The following RAD51B variants were observed in gnomAD, a reference collection of about 807,000 sequenced individuals.
RAD51B encodes the protein DNA repair protein RAD51 homolog 2.
RAD51B carries 38 observed loss-of-function variants against 42.2 expected under a neutral mutation model. That is an observed-to-expected ratio of 0.90 (90% CI 0.70 to 1.18). The LOEUF (loss-of-function observed/expected upper bound fraction) is 1.18, where lower values mean the gene tolerates loss of function less well. RAD51B is among the 50% of genes most tolerant of loss of function. RAD51B has a pLI of 0.00. For missense variants in RAD51B, 373 were observed against 400.7 expected (o/e 0.93, Z 0.59); for synonymous variants, 154 against 145.2 (o/e 1.06, Z -0.43).
At chr14:68,245,779 A>G (rs1007196287) in intron 7 of RAD51B, among the ~76,000 whole-genome samples, 2 of 152,220 alleles carry the variant, frequency 1.3e-5, no homozygotes, top group Non-Finnish European at 2.9e-5. Context: ...TTGGTATTAA[A>G]GTCGGAGCAA....
chr14:68,117,866 A>C (rs1387171166), intron 7 of RAD51B, among the ~76,000 whole-genome samples: 1 of 152,232 alleles, frequency 6.6e-6, no homozygotes, highest in Admixed American at 6.5e-5. Context: ...ATTGCAAGAA[A>C]TATTTTTAGA....
At chr14:68,486,368 G>GC (rs1209052365) in intron 10 of RAD51B, among the ~76,000 whole-genome samples, 6 of 152,256 alleles carry the variant, frequency 3.9e-5, no homozygotes, top group African/African-American at 1.4e-4. Flanking sequence ...TAAGTCTATT[G>GC]CCACTGGCTG....
At chr14:68,659,781 G>A (rs936872662) in intron 11 of RAD51B, among the ~76,000 whole-genome samples, 3 of 152,234 alleles carry the variant, frequency 2.0e-5, no homozygotes, top group African/African-American at 7.2e-5. Context: ...GCCCTGCCAG[G>A]GAACACACCT....
intron 7 of RAD51B, among the ~76,000 whole-genome samples, chr14:67,988,401 A>G (rs1257873467): frequency 2.0e-5 from 3 of 152,112 alleles, no homozygotes; most frequent in South Asian, 2.1e-4. Flanking sequence ...GGAAGTTGCA[A>G]TGAGCCAAGA....
intron 7 of RAD51B, among the ~76,000 whole-genome samples, chr14:68,285,020 C>T (rs370471481): frequency 2.6e-5 from 4 of 152,284 alleles, no homozygotes; most frequent in South Asian, 4.1e-4. Flanking sequence ...TATTCTCTTT[C>T]TTCCTCTTGT....
intron 7 of RAD51B, among the ~76,000 whole-genome samples, chr14:68,164,131 G>A (rs370120227): frequency 1.8e-4 from 27 of 152,132 alleles, no homozygotes; most frequent in Non-Finnish European, 2.6e-4. Context: ...GACTAAACAA[G>A]TGACTTATTT....
At chr14:68,339,287 G>A (rs1193454820) in intron 8 of RAD51B, 23 of 910,062 alleles carry the variant, frequency 2.5e-5, no homozygotes, top group East Asian at 1.2e-4. Flanking sequence ...GGGTGAACTG[G>A]TTAATGGCAG....
At chr14:67,939,124 G>T (rs937601398) in intron 7 of RAD51B, among the ~76,000 whole-genome samples, 4 of 152,122 alleles carry the variant, frequency 2.6e-5, no homozygotes, top group Non-Finnish European at 4.4e-5. Flanking sequence ...TTCATATCTT[G>T]AGGTACTTAT....
intron 7 of RAD51B, among the ~76,000 whole-genome samples, chr14:68,050,744 T>C (rs1206850875): frequency 2.0e-5 from 3 of 152,202 alleles, no homozygotes; most frequent in East Asian, 1.9e-4. Flanking sequence ...AACGCATTTA[T>C]GTTAACAAGC....
At chr14:68,589,853 C>T (rs964154018) in intron 10 of RAD51B, among the ~76,000 whole-genome samples, 1 of 152,258 alleles carries the variant, frequency 6.6e-6, no homozygotes, top group Middle Eastern at 3.4e-3. Flanking sequence ...GCTTTTTCCC[C>T]CCCATTTTCA....
intron 8 of RAD51B, among the ~76,000 whole-genome samples, chr14:68,367,016 G>A (rs927218767): frequency 1.3e-5 from 2 of 152,210 alleles, no homozygotes; most frequent in Non-Finnish European, 2.9e-5. Flanking sequence ...TGAGCTTCAG[G>A]CAGCTTCCAA....
rs1309610117 is a variant in RAD51B, at chr14:68,575,367, G to T, written c.1037-19118G>T. Among the ~76,000 whole-genome samples the T allele has an allele frequency of 3.3e-5, 5 of 152,134 alleles. 1 individual carries two copies. Among genetic ancestry groups the T allele is most frequent in the Admixed American group, 3.3e-4 (5 of 15,268 alleles). ...GGCTTACATGACAAGCTCCCTCCCT[G>T]CTCCCTGCTCCCCCTGCCCCTCATT... On this transcript the variant is annotated intron_variant, in intron 10 of 10. Coordinates refer to the RAD51B transcript ENST00000487270.
chr14:68,574,671 C>A (rs1889880618), intron 10 of RAD51B, among the ~76,000 whole-genome samples: 1 of 152,242 alleles, frequency 6.6e-6, no homozygotes, highest in Non-Finnish European at 1.5e-5. Flanking sequence ...AAATGTATTA[C>A]TGCAACAGCC....
At chr14:68,306,937 C>G (rs1294566714) in intron 8 of RAD51B, among the ~76,000 whole-genome samples, 2 of 152,138 alleles carry the variant, frequency 1.3e-5, no homozygotes, top group Non-Finnish European at 2.9e-5. Context: ...GTTGCTCAGA[C>G]TTAGTGCAGA....
chr14:68,380,187 C>T (rs35899926), intron 8 of RAD51B, among the ~76,000 whole-genome samples: 2 of 152,174 alleles, frequency 1.3e-5, no homozygotes, highest in African/African-American at 2.4e-5. Flanking sequence ...CTGGGAACCA[C>T]GTAAAATTGT....
At chr14:68,123,221 T>C (rs1393937799) in intron 7 of RAD51B, among the ~76,000 whole-genome samples, 1 of 147,630 alleles carries the variant, frequency 6.8e-6, no homozygotes, top group East Asian at 2.0e-4. Flanking sequence ...GAGACAGAGC[T>C]GTCTCCTCCA....
chr14:68,020,792 T>G (rs1347110665), intron 7 of RAD51B, among the ~76,000 whole-genome samples: 1 of 152,212 alleles, frequency 6.6e-6, no homozygotes, highest in Non-Finnish European at 1.5e-5. Flanking sequence ...ACATTGATTG[T>G]TTACAAAAAG....
At chr14:68,470,627 C>G (rs2086099820) in intron 10 of RAD51B, 1 of 490,728 alleles carries the variant, frequency 2.0e-6, no homozygotes, top group African/African-American at 1.9e-5. Context: ...CATTTGAAAA[C>G]AGAGAGAGAG....
chr14:68,621,597 C>T (rs1377538210), intron 10 of RAD51B, among the ~76,000 whole-genome samples: 1 of 152,260 alleles, frequency 6.6e-6, no homozygotes, highest in Non-Finnish European at 1.5e-5. Flanking sequence ...CAGAGCTAAG[C>T]TGGACTTCTC....
Sources: allele counts gnomAD v4.1 joint callset (sites outside exome capture counted in the v4.1 genomes callset), GRCh38; gene constraint gnomAD v4.1.1; transcripts MANE v1.5; gene names NCBI Gene and HGNC (gene_info 2026-07-23, HGNC 2026-07-21).